The following ANTXRL variants were observed in gnomAD, a reference collection of about 807,000 sequenced individuals.
The protein encoded by ANTXRL is anthrax toxin receptor-like.
A neutral mutation model predicts 75.4 loss-of-function variants in ANTXRL; 63 were observed. That is an observed-to-expected ratio of 0.84 (90% confidence interval 0.68 to 1.03). The LOEUF is 1.03. ANTXRL is among the 50% of genes least tolerant of loss of function. The pLI is 0.00. For missense variants in ANTXRL, 797 were observed against 789.4 expected, an observed-to-expected ratio of 1.01 and a Z score of -0.12; for synonymous variants, 335 against 291.3, an observed-to-expected ratio of 1.15 and a Z score of -1.53.
At chr10:46,303,190 G>A (rs765317225) in intron 10 of ANTXRL, among the ~76,000 whole-genome samples, 29 of 152,156 alleles carry the variant, frequency 1.9e-4, no homozygotes, top group Non-Finnish European at 4.0e-4. Flanking sequence ...AATGGTGGCA[G>A]CCCCGGAGAT....
Position 46,315,403 on chromosome 10 carries a change from G to A in ANTXRL, c.1410+2087G>A, listed in dbSNP as rs187758326. On this transcript the variant is annotated intron_variant, in intron 16 of 16. Coordinates refer to ENST00000620264, the MANE Select transcript of ANTXRL (RefSeq NM_001278688.3). ...CCAGGCAGCCCAACTGCAACCGCAC[G>A]GCTGTGGAGGCATCAGTGAGACGTC... 1.5e-3 allele frequency among the ~76,000 whole-genome samples: 223 copies of A among 152,324 alleles called. 3 individuals carry two copies. Among genetic ancestry groups the A allele is most frequent in the African/African-American group, 5.0e-3 (207 of 41,552 alleles).
At chr10:46,324,837 A>G (rs1181851054) in intron 16 of ANTXRL, among the ~76,000 whole-genome samples, 4 of 152,202 alleles carry the variant, frequency 2.6e-5, no homozygotes, top group African/African-American at 7.2e-5. Context: ...CCCTCTGAGG[A>G]GAATTGTATG....
chr10:46,313,266 C>A lies in ANTXRL; in HGVS notation c.1360C>A (p.His454Asn). The change falls in exon 16 of 17, where the codon CAC becomes AAC. Residue 454 changes from histidine to asparagine, a missense_variant. His to Asn is a moderately conservative substitution (Grantham distance 68, BLOSUM62 1). This residue lies in a region of ANTXRL where 479 missense variants were observed against 422.0 expected (regional missense o/e 1.14). Coordinates refer to ENST00000620264, the MANE Select transcript of ANTXRL (RefSeq NM_001278688.3). Reference protein sequence around the residue: ...GNLDTFCDLSHASCHQVPWMC... With the variant: ...GNLDTFCDLSNASCHQVPWMC... ...TCTGGATACCTTTTGTGACCTCTCT[C>A]ACGCAAGCTGCCACCAGGTGCCATG... is the stretch of plus-strand genomic sequence containing the variant. 3.3e-6 allele frequency: 5 copies of A among 1,535,910 alleles called. No individual in the cohort carries two copies. The highest frequency in any genetic ancestry group is 4.4e-6 in the Non-Finnish European group (5 of 1,146,748).
At chr10:46,328,910 C>A (rs573117680) in intron 16 of ANTXRL, among the ~76,000 whole-genome samples, 49 of 152,174 alleles carry the variant, frequency 3.2e-4, no homozygotes, top group African/African-American at 1.1e-3. Flanking sequence ...CTTATAGTGA[C>A]CCTGAGGGCC....
At chr10:46,314,640 G>A (rs1333951365) in intron 16 of ANTXRL, among the ~76,000 whole-genome samples, 1 of 152,100 alleles carries the variant, frequency 6.6e-6, no homozygotes, top group African/African-American at 2.4e-5. Context: ...GTTTAGGGGT[G>A]GGGTGGTGGG....
chr10:46,296,038 C>T lies in ANTXRL; in HGVS notation c.412C>T (p.Leu138Phe). ...TTTCAGGAATAGAATAAAAAACGGT[C>T]TTGACCAACTTCAGAAAATTGTGCC... The part of the protein sequence containing the change: ...TSDKNRIKNG[L>F]DQLQKIVPDG... Residue 138 changes from leucine to phenylalanine, a missense_variant, in exon 4 of 17, where the codon CTT becomes TTT. Physicochemically the swap from Leu to Phe is conservative, Grantham distance 22. Around this residue, in one of 3 missense-constraint regions of ANTXRL, gnomAD observed 262 missense variants for 271.9 expected, o/e 0.96. Coordinates refer to ENST00000620264, the MANE Select transcript of ANTXRL (RefSeq NM_001278688.3). The T allele has an allele frequency of 2.0e-6, 3 of 1,535,880 alleles. No individual in the cohort carries two copies. Among genetic ancestry groups the T allele is most frequent in the South Asian group, 2.4e-5 (2 of 84,034 alleles).
intron 14 of ANTXRL, 75 bp from the exon 15 acceptor site, chr10:46,311,435 C>T: frequency 7.0e-7 from 1 of 1,425,316 alleles, no homozygotes; most frequent in Non-Finnish European, 9.2e-7. Context: ...TTTCATTCCC[C>T]AGACACACAT....
At chr10:46,320,071 A>G (rs1174678547) in intron 16 of ANTXRL, among the ~76,000 whole-genome samples, 1 of 152,194 alleles carries the variant, frequency 6.6e-6, no homozygotes, top group Non-Finnish European at 1.5e-5. Flanking sequence ...GCTATTTGAT[A>G]TGGCTAACTC....
upstream of ANTXRL, among the ~76,000 whole-genome samples, chr10:46,286,628 C>G (rs1175203483): frequency 6.6e-6 from 1 of 152,160 alleles, no homozygotes; most frequent in Non-Finnish European, 1.5e-5. Context: ...CAGTAGAGAA[C>G]CGGAATGTCC....
At chr10:46,312,758 G>A (rs1255811293) in intron 15 of ANTXRL, among the ~76,000 whole-genome samples, 19 of 149,398 alleles carry the variant, frequency 1.3e-4, no homozygotes, top group African/African-American at 4.7e-4. Context: ...GTCCTGGGCT[G>A]CTTTCTGGCC....
chr10:46,301,222 T>C (rs1837722749), intron 9 of ANTXRL, among the ~76,000 whole-genome samples: 1 of 152,224 alleles, frequency 6.6e-6, no homozygotes, highest in South Asian at 2.1e-4. Context: ...CCAGGGCTTT[T>C]TGGAAGCCTG....
intron 9 of ANTXRL, among the ~76,000 whole-genome samples, chr10:46,302,207 T>C (rs1837792269): frequency 6.6e-6 from 1 of 152,152 alleles, no homozygotes; most frequent in Non-Finnish European, 1.5e-5. Context: ...GTGTCCTGCC[T>C]GCCACAGGCA....
In ANTXRL at chr10:46,315,412, G is replaced by A. The variant is rs190836335; in HGVS notation, c.1410+2096G>A. ...CCAACTGCAACCGCACGGCTGTGGAGGCATCAGTGAGACGTCCTGCCAGGA... is the reference window on the plus strand; with the variant it reads ...CCAACTGCAACCGCACGGCTGTGGAAGCATCAGTGAGACGTCCTGCCAGGA... On this transcript the variant is annotated intron_variant, in intron 16 of 16. Transcript: ENST00000620264. Among the ~76,000 whole-genome samples the A allele has an allele frequency of 3.7e-4, 56 of 152,312 alleles. No homozygotes were observed. The East Asian group carries it at 0.01, about 28-fold the overall frequency.
chr10:46,302,952 C>T, intron 10 of ANTXRL, 132 bp downstream of exon 10: 2 of 716,000 alleles, frequency 2.8e-6, no homozygotes, highest in Non-Finnish European at 4.6e-6. Context: ...GCCATGAGGA[C>T]AAGTGGAAGG....
rs1839372170 is a variant in ANTXRL at position 46,329,260 on chromosome 10, AGAGCCTTCTG to A, written c.1411-338_1411-329del. 7.2e-5 allele frequency among the ~76,000 whole-genome samples: 11 copies of A among 152,268 alleles called. No homozygotes were observed. In the South Asian group the frequency reaches 2.3e-3, roughly 32 times the overall value. On this transcript the variant is annotated intron_variant, in intron 16 of 16. Transcript: ENST00000620264. Reference sequence around the variant, plus strand: ...CACTCATCCCTTCCACATGCTCACTAGAGCCTTCTGTGCCATGCTGGGGCACAGAGGTAAT... The same window carrying A: ...CACTCATCCCTTCCACATGCTCACTATGCCATGCTGGGGCACAGAGGTAAT...
At chr10:46,303,709 A>T (rs1837896182) in intron 10 of ANTXRL, among the ~76,000 whole-genome samples, 1 of 152,034 alleles carries the variant, frequency 6.6e-6, no homozygotes, top group Non-Finnish European at 1.5e-5. Context: ...TAAATCTCCT[A>T]TTATTTGGCA....
intron 16 of ANTXRL, 90 bp from the exon 17 acceptor site, chr10:46,329,509 G>T (rs572688994): frequency 2.0e-6 from 3 of 1,475,510 alleles, no homozygotes; most frequent in Middle Eastern, 1.7e-4. Context: ...ATGGGTCCTG[G>T]CCCCATCCCT....
chr10:46,313,269 G>C lies in ANTXRL; in HGVS notation c.1363G>C (p.Ala455Pro), dbSNP rs192798365. 646 of 1,534,426 alleles carry C rather than the reference G, an allele frequency of 4.2e-4. 2 individuals are homozygous for C. The highest frequency in any genetic ancestry group is 8.4e-4 in the Middle Eastern group (5 of 5,976). ...GGATACCTTTTGTGACCTCTCTCAC[G>C]CAAGCTGCCACCAGGTGCCATGGAT... Reference protein sequence around the residue: ...NLDTFCDLSHASCHQVPWMCC... With the variant: ...NLDTFCDLSHPSCHQVPWMCC... Residue 455 changes from alanine to proline, a missense_variant, in exon 16 of 17, where the codon GCA becomes CCA. Transcript: ENST00000620264.
chr10:46,316,948 T>C (rs1554964811), intron 16 of ANTXRL, among the ~76,000 whole-genome samples: 5 of 152,240 alleles, frequency 3.3e-5, no homozygotes, highest in South Asian at 4.1e-4. Context: ...TGTGTGAGTG[T>C]GTGGGCATGT....
Sources: gnomAD v4.1 joint callset for allele counts (sites outside exome capture counted in the v4.1 genomes callset) on GRCh38, gnomAD v4.1.1 for gene constraint, gnomAD v4.1.1 regional missense constraint, MANE v1.5 for transcripts, NCBI Gene and HGNC (gene_info 2026-07-23, HGNC 2026-07-21) for gene names.